Variants in PAPPA observed in about 807,000 individuals in gnomAD.
The protein encoded by PAPPA is pappalysin-1.
A neutral mutation model predicts 164.0 loss-of-function variants in PAPPA; 60 were observed. That is an observed-to-expected ratio of 0.37 (90% CI 0.30 to 0.45). The LOEUF (loss-of-function observed/expected upper bound fraction) is 0.45, where lower values mean the gene tolerates loss of function less well. Among genes scored for constraint, PAPPA ranks in the 20% least tolerant of loss-of-function variants. PAPPA has a pLI of 1.00. For missense variants in PAPPA, 1,782 were observed against 2,087.3 expected (o/e 0.85, Z 2.85); for synonymous variants, 875 against 814.1 (o/e 1.07, Z -1.27).
intron 2 of PAPPA, among the ~76,000 whole-genome samples, chr9:116,205,028 G>T (rs921525574): frequency 2.0e-5 from 3 of 151,512 alleles, no homozygotes; most frequent in Non-Finnish European, 4.4e-5. Flanking sequence ...AATACCTCGG[G>T]CAGCAAAAGG....
intron 1 of PAPPA, among the ~76,000 whole-genome samples, chr9:116,169,665 T>C (rs1046556957): frequency 6.6e-5 from 10 of 151,604 alleles, no homozygotes; most frequent in African/African-American, 2.2e-4. Flanking sequence ...TAGGTGGAAT[T>C]GTAAGGGATG....
chr9:116,203,085 G>A (rs1844190368), intron 2 of PAPPA, among the ~76,000 whole-genome samples: 1 of 152,152 alleles, frequency 6.6e-6, no homozygotes, highest in Non-Finnish European at 1.5e-5. Flanking sequence ...TCCAGCTGAG[G>A]GAGAGAATGG....
At chr9:116,328,190 G>C (rs1845944345) in intron 10 of PAPPA, among the ~76,000 whole-genome samples, 1 of 152,164 alleles carries the variant, frequency 6.6e-6, no homozygotes, top group Non-Finnish European at 1.5e-5. Flanking sequence ...GAGACAGGCA[G>C]CTAAGAACAC....
At chr9:116,229,485 A>G (rs1006683390) in intron 6 of PAPPA, among the ~76,000 whole-genome samples, 1 of 152,198 alleles carries the variant, frequency 6.6e-6, no homozygotes, top group African/African-American at 2.4e-5. Flanking sequence ...TATAAAGCGG[A>G]AACTACTAAT....
intron 2 of PAPPA, among the ~76,000 whole-genome samples, chr9:116,189,730 A>G (rs1044836818): frequency 5.3e-5 from 8 of 152,346 alleles, no homozygotes; most frequent in Admixed American, 4.6e-4. Flanking sequence ...TCTGTCCAAC[A>G]CACAGGACCC....
intron 1 of PAPPA, among the ~76,000 whole-genome samples, chr9:116,184,412 G>A (rs990211188): frequency 5.3e-5 from 8 of 152,092 alleles, no homozygotes; most frequent in Admixed American, 4.6e-4. Context: ...TTCTTGATAT[G>A]TCGTGCAAGA....
intron 19 of PAPPA, among the ~76,000 whole-genome samples, chr9:116,370,709 T>C (rs1846562059): frequency 6.6e-6 from 1 of 152,220 alleles, no homozygotes; most frequent in Non-Finnish European, 1.5e-5. Flanking sequence ...AGACAGACTC[T>C]ATTTTAAGTC....
At chr9:116,175,182 G>C (rs1290238054) in intron 1 of PAPPA, among the ~76,000 whole-genome samples, 1 of 152,186 alleles carries the variant, frequency 6.6e-6, no homozygotes, top group Non-Finnish European at 1.5e-5. Flanking sequence ...CCAGAAAGTT[G>C]AAGGGGCTTA....
chr9:116,325,592 C>A (rs78291588), intron 10 of PAPPA, among the ~76,000 whole-genome samples: 2,325 of 152,258 alleles, frequency 0.015, 49 homozygotes, highest in African/African-American at 0.051. Flanking sequence ...GCCAAGTGGA[C>A]AAGGGGTCAC....
At chr9:116,368,445 G>A (rs1396200629) in intron 19 of PAPPA, among the ~76,000 whole-genome samples, 1 of 152,236 alleles carries the variant, frequency 6.6e-6, no homozygotes, top group Non-Finnish European at 1.5e-5. Flanking sequence ...CCAAACCTGA[G>A]TCTGAGCCCT....
At chr9:116,257,186 C>T (rs1451822770) in intron 7 of PAPPA, among the ~76,000 whole-genome samples, 1 of 151,880 alleles carries the variant, frequency 6.6e-6, no homozygotes, top group Non-Finnish European at 1.5e-5. Context: ...ATTAGGTGGT[C>T]TATTAATGTA....
At chr9:116,227,386 C>T (rs759807230) in intron 5 of PAPPA, 45 bp from the exon 6 acceptor site, 2 of 1,610,448 alleles carry the variant, frequency 1.2e-6, no homozygotes, top group African/African-American at 2.7e-5. Flanking sequence ...GCTCATTCAA[C>T]TGTTCCTAAG....
At chr9:116,197,923 G>T (rs1046143799) in intron 2 of PAPPA, among the ~76,000 whole-genome samples, 2 of 152,198 alleles carry the variant, frequency 1.3e-5, no homozygotes, top group African/African-American at 4.8e-5. Context: ...CTTCACATCA[G>T]TTATATGCCT....
chr9:116,191,951 G>T (rs1844047779), intron 2 of PAPPA, among the ~76,000 whole-genome samples: 1 of 152,162 alleles, frequency 6.6e-6, no homozygotes, highest in East Asian at 1.9e-4. Flanking sequence ...GCCTGTAGGG[G>T]CAAGAGGAGA....
chr9:116,252,132 T>C (rs1337149153), intron 7 of PAPPA, among the ~76,000 whole-genome samples: 1 of 152,244 alleles, frequency 6.6e-6, no homozygotes, highest in African/African-American at 2.4e-5. Flanking sequence ...AGGGCAAATC[T>C]TTGGACAATT....
chr9:116,219,817 C>G, intron 4 of PAPPA, 120 bp from the exon 5 acceptor site: 1 of 730,438 alleles, frequency 1.4e-6, no homozygotes, highest in Non-Finnish European at 2.3e-6. Context: ...GAGGCCAGCC[C>G]TGAGTTGGCA....
At chr9:116,335,597 G>A (rs192778739) in intron 13 of PAPPA, among the ~76,000 whole-genome samples, 4 of 152,126 alleles carry the variant, frequency 2.6e-5, no homozygotes, top group Non-Finnish European at 4.4e-5. Flanking sequence ...AGTGGTCTAA[G>A]AGCCTGTCTT....
intron 4 of PAPPA, among the ~76,000 whole-genome samples, chr9:116,212,939 C>T (rs981335045): frequency 6.6e-6 from 1 of 152,312 alleles, no homozygotes; most frequent in East Asian, 1.9e-4. Context: ...CCCCACTCTA[C>T]AGATGACAGC....
Position 116,265,831 on chromosome 9 carries a change from A to G in PAPPA, c.2733-26A>G, listed in dbSNP as rs894767594. On this transcript the variant is annotated intron_variant, in intron 7 of 21. Coordinates refer to ENST00000328252, the MANE Select transcript of PAPPA (RefSeq NM_002581.5). ...TGTCTGCCCAGTATTGTAATTGTAT[A>G]ATTATGTCTTCTTTGTATTTTCCAG... 4 of 1,569,836 alleles carry G rather than the reference A, an allele frequency of 2.5e-6. No individual in the cohort carries two copies. In the African/African-American group the frequency reaches 5.4e-5, roughly 21 times the overall value.
Sources: gnomAD v4.1 joint callset for allele counts (sites outside exome capture counted in the v4.1 genomes callset) on GRCh38, gnomAD v4.1.1 for gene constraint, MANE v1.5 for transcripts, NCBI Gene and HGNC (gene_info 2026-07-23, HGNC 2026-07-21) for gene names.